Variants in CALD1 observed in about 807,000 individuals in gnomAD.
CALD1 encodes the protein caldesmon 1.
CALD1 carries 33 observed loss-of-function variants against 99.9 expected under a neutral mutation model. The ratio of observed to expected loss-of-function variants is 0.33; its 90% CI spans 0.25 to 0.44. The LOEUF is 0.44. CALD1 is among the 20% of genes least tolerant of loss of function. The pLI is 1.00. For missense variants in CALD1, 861 were observed against 962.1 expected, an observed-to-expected ratio of 0.89 and a Z score of 1.39; for synonymous variants, 310 against 325.0, an observed-to-expected ratio of 0.95 and a Z score of 0.50.
intron 3 of CALD1, among the ~76,000 whole-genome samples, chr7:134,927,491 G>A (rs1805117192): frequency 7.2e-6 from 1 of 138,972 alleles, no homozygotes; most frequent in Non-Finnish European, 1.5e-5. Flanking sequence ...GGTCAAGGCT[G>A]CAGTGAGCTG....
At chr7:134,734,369 T>G in the CALD1 span, among the ~76,000 whole-genome samples, 2 of 151,756 alleles carry the variant, frequency 1.3e-5, no homozygotes, top group African/African-American at 4.8e-5. Flanking sequence ...TTGTTTTTAC[T>G]ATGGAAATGC....
At chr7:134,762,536 C>T (rs1363910907) in intron 1 of CALD1, among the ~76,000 whole-genome samples, 2 of 152,240 alleles carry the variant, frequency 1.3e-5, no homozygotes, top group African/African-American at 4.8e-5. Context: ...TTAATTGGCT[C>T]ACGGTTTCAC....
rs567393103 is a variant in CALD1 at position 134,890,097 on chromosome 7, C to T, written c.71+22293C>T. 2.0e-5 allele frequency among the ~76,000 whole-genome samples: 3 copies of T among 152,116 alleles called. No homozygotes were observed. The South Asian group carries it at 6.2e-4, about 32-fold the overall frequency. ...GTAATTTTTGTATTTTTAGTAGAGA[C>T]GGGGTTTCACCATGTTGGCCAGGCT... On this transcript the variant is annotated intron_variant, in intron 3 of 14. Coordinates refer to ENST00000361675, the MANE Select transcript of CALD1 (RefSeq NM_033138.4).
intron 3 of CALD1, among the ~76,000 whole-genome samples, chr7:134,922,618 G>A (rs1346846917): frequency 6.6e-6 from 1 of 152,200 alleles, no homozygotes; most frequent in East Asian, 1.9e-4. Flanking sequence ...GGACACTGGG[G>A]CAAGAGGAAA....
upstream of CALD1, among the ~76,000 whole-genome samples, chr7:134,739,309 C>T (rs1796574455): frequency 6.6e-6 from 1 of 152,164 alleles, no homozygotes. Context: ...TGTGACTTAT[C>T]CAAGGTTACA....
At chr7:134,913,094 G>A (rs991158952) in intron 3 of CALD1, among the ~76,000 whole-genome samples, 3 of 152,016 alleles carry the variant, frequency 2.0e-5, no homozygotes, top group Admixed American at 6.6e-5. Flanking sequence ...GAGAAACCCC[G>A]TCTCTACTAA....
At chr7:134,791,771 G>A (rs561254669) in intron 1 of CALD1, among the ~76,000 whole-genome samples, 23 of 152,282 alleles carry the variant, frequency 1.5e-4, no homozygotes, top group Non-Finnish European at 3.1e-4. Flanking sequence ...AGGCATACCC[G>A]AGACTGGGTA....
chr7:134,934,111 C>A, intron 5 of CALD1, 34 bp downstream of exon 5: 1 of 1,576,984 alleles, frequency 6.3e-7, no homozygotes, highest in Non-Finnish European at 8.6e-7. Flanking sequence ...ATGTGTGATG[C>A]CTGTGACTTG....
intron 2 of CALD1, among the ~76,000 whole-genome samples, chr7:134,861,368 A>T (rs1377297): frequency 1.3e-5 from 2 of 151,968 alleles, no homozygotes; most frequent in Non-Finnish European, 2.9e-5. Flanking sequence ...TGTTGTACCC[A>T]GAAATCACCC....
intron 8 of CALD1, among the ~76,000 whole-genome samples, chr7:134,950,047 C>T (rs1807216155): frequency 6.6e-6 from 1 of 152,196 alleles, no homozygotes; most frequent in Admixed American, 6.5e-5. Flanking sequence ...AAGCATTTTA[C>T]ATGTGCTATC....
intron 2 of CALD1, among the ~76,000 whole-genome samples, chr7:134,848,315 C>G (rs940675815): frequency 4.6e-5 from 7 of 152,146 alleles, no homozygotes; most frequent in Non-Finnish European, 8.8e-5. Context: ...CCATCACGCA[C>G]TCTAACACCA....
intron 13 of CALD1, among the ~76,000 whole-genome samples, chr7:134,963,328 A>T (rs1403522415): frequency 6.6e-6 from 1 of 152,232 alleles, no homozygotes; most frequent in Admixed American, 6.5e-5. Flanking sequence ...CTCTAATAGA[A>T]TATCAGGAAT....
At chr7:134,963,648 C>T (rs1808446514) in intron 13 of CALD1, among the ~76,000 whole-genome samples, 1 of 152,132 alleles carries the variant, frequency 6.6e-6, no homozygotes, top group African/African-American at 2.4e-5. Flanking sequence ...AAATTTGGAT[C>T]CTTATCCAAA....
At chr7:134,828,296 T>C (rs150458961) in intron 1 of CALD1, among the ~76,000 whole-genome samples, 2,316 of 152,346 alleles carry the variant, frequency 0.015, 24 homozygotes, top group Non-Finnish European at 0.025. Flanking sequence ...GCTCAGAGTA[T>C]ATTTTTAAAT....
intron 13 of CALD1, chr7:134,961,175 G>A (rs1269737574): frequency 5.9e-5 from 9 of 152,186 alleles, no homozygotes; most frequent in Non-Finnish European, 1.0e-4. Context: ...CTGGAAACTA[G>A]AAAAACTGGT....
chr7:134,833,200 C>T (rs1050810852), intron 1 of CALD1, among the ~76,000 whole-genome samples: 4 of 152,144 alleles, frequency 2.6e-5, no homozygotes, highest in Non-Finnish European at 5.9e-5. Context: ...GAATGTTGAA[C>T]CCAGTGAAAC....
chr7:134,827,064 C>T (rs1799027605), intron 1 of CALD1, among the ~76,000 whole-genome samples: 1 of 152,180 alleles, frequency 6.6e-6, no homozygotes, highest in South Asian at 2.1e-4. Flanking sequence ...CCTTAATTCT[C>T]TCCCATGTGA....
chr7:134,961,441 AG>A (rs1808256214), intron 13 of CALD1: 2 of 152,226 alleles, frequency 1.3e-5, no homozygotes, highest in African/African-American at 4.8e-5. Context: ...TAGAGGAAGA[AG>A]AAAAAGTTTC....
chr7:134,781,881 C>G (rs1339453199), intron 1 of CALD1, among the ~76,000 whole-genome samples: 1 of 152,198 alleles, frequency 6.6e-6, no homozygotes, highest in East Asian at 1.9e-4. Context: ...AAATGAGATA[C>G]ATGAAAGCAT....
Sources: gnomAD v4.1 joint callset for allele counts (sites outside exome capture counted in the v4.1 genomes callset) on GRCh38, gnomAD v4.1.1 for gene constraint, MANE v1.5 for transcripts, NCBI Gene and HGNC (gene_info 2026-07-23, HGNC 2026-07-21) for gene names.